The following SERPINC1 variants were observed in gnomAD, a reference collection of about 807,000 sequenced individuals.
The protein encoded by SERPINC1 is antithrombin-III.
SERPINC1 carries 12 observed loss-of-function variants against 43.4 expected under a neutral mutation model. That is an observed-to-expected ratio of 0.28 (90% CI 0.18 to 0.45). The LOEUF (loss-of-function observed/expected upper bound fraction) is 0.45, where lower values mean the gene tolerates loss of function less well. Among genes scored for constraint, SERPINC1 ranks in the 20% least tolerant of loss-of-function variants. The pLI is 1.00. For synonymous variants in SERPINC1, 210 were observed against 218.9 expected (o/e 0.96, Z 0.36); for missense variants, 423 against 578.8 (o/e 0.73, Z 2.76).
chr1:173,912,015 C>A lies in SERPINC1; in HGVS notation c.409-1G>T. The A allele has an allele frequency of 6.2e-7, 1 of 1,611,570 alleles. No homozygotes were observed. On this transcript the variant is annotated splice_acceptor_variant, in intron 2 of 6. Coordinates refer to ENST00000367698, the MANE Select transcript of SERPINC1 (RefSeq NM_000488.4). LOFTEE classifies it high-confidence loss of function. ...CAGATATGGTGTCAAACTTAAATAC[C>A]TATAGAAGTCAAAAAAAAATGGTGG...
chr1:173,912,080 A>G (rs1262229370), intron 2 of SERPINC1, 66 bp from the exon 3 acceptor site: 6 of 1,146,044 alleles, frequency 5.2e-6, no homozygotes, highest in Admixed American at 5.1e-5. Flanking sequence ...GGTGGTGAGC[A>G]CATGCTGGTC....
At chr1:173,910,600 T>A (rs1657728377) in intron 4 of SERPINC1, among the ~76,000 whole-genome samples, 154 bp downstream of exon 4, 2 of 151,868 alleles carry the variant, frequency 1.3e-5, no homozygotes, top group Admixed American at 1.3e-4. Context: ...AATAAATAAA[T>A]AATAGATTGA....
chr1:173,905,729 A>AG (rs1657475788), intron 6 of SERPINC1, among the ~76,000 whole-genome samples: 1 of 151,798 alleles, frequency 6.6e-6, no homozygotes, highest in African/African-American at 2.4e-5. Flanking sequence ...TCAATGAAAA[A>AG]AAAAAATCTC....
At chr1:173,909,385 CTG>C (rs1184464607) in intron 5 of SERPINC1, among the ~76,000 whole-genome samples, 165 bp downstream of exon 5, 5 of 152,192 alleles carry the variant, frequency 3.3e-5, no homozygotes, top group Admixed American at 6.5e-5. Flanking sequence ...GAAGAGGAAA[CTG>C]AGGTCTCAAA....
At position 173,911,783 on chromosome 1, in the gene SERPINC1, A is replaced by G. The variant is rs766277450; in HGVS notation, c.624+16T>C. On this transcript the variant is annotated intron_variant, in intron 3 of 6. Coordinates refer to ENST00000367698, the MANE Select transcript of SERPINC1 (RefSeq NM_000488.4). ...GAGGAAGAACTCGGAGGTCAGGGGT[A>G]ACATCTGCAACTCACCTTGAAGTCC... 1.2e-5 allele frequency: 20 copies of G among 1,600,180 alleles called. No homozygotes were observed.
At chr1:173,910,053 G>T in intron 4 of SERPINC1, 111 bp from the exon 5 acceptor site, 1 of 1,087,426 alleles carries the variant, frequency 9.2e-7, no homozygotes, top group Non-Finnish European at 1.4e-6. Context: ...TCGGAAAAAA[G>T]ACTGGCGGGA....
intron 1 of SERPINC1, 33 bp downstream of exon 1, chr1:173,917,186 G>T (rs1658028344): frequency 6.2e-7 from 1 of 1,605,750 alleles, no homozygotes; most frequent in African/African-American, 1.3e-5. Flanking sequence ...AAACCCAGTA[G>T]GGGCAGGCAA....
At position 173,911,834 on chromosome 1, in the gene SERPINC1, C is replaced by T. The variant is rs771347278; in HGVS notation, c.589G>A (p.Val197Ile). The T allele has an allele frequency of 6.2e-7, 1 of 1,614,170 alleles. No individual in the cohort carries two copies. Among genetic ancestry groups the T allele is most frequent in the Non-Finnish European group, 8.5e-7 (1 of 1,180,022 alleles). The change falls in exon 3 of 7, where the codon GTA becomes ATA. Residue 197 changes from valine to isoleucine, a missense_variant. Val to Ile is a conservative substitution (Grantham distance 29). Coordinates refer to ENST00000367698, the MANE Select transcript of SERPINC1 (RefSeq NM_000488.4). ...AGGGGCTGGAGCTTGGCTCCATATA[C>T]CAACTCACTGATGTCCTGGTAGGTC... is the stretch of plus-strand genomic sequence containing the variant. ...NETYQDISELVYGAKLQPLDF... is the reference protein window; with the variant it reads ...NETYQDISELIYGAKLQPLDF...
chr1:173,907,628 G>A, intron 5 of SERPINC1, 114 bp from the exon 6 acceptor site: 2 of 807,636 alleles, frequency 2.5e-6, no homozygotes, highest in Non-Finnish European at 4.5e-6. Flanking sequence ...AACATAAGAA[G>A]AAATCCTAAA....
chr1:173,907,371 A>C, intron 6 of SERPINC1, 79 bp downstream of exon 6: 1 of 1,143,564 alleles, frequency 8.7e-7, no homozygotes, highest in East Asian at 2.3e-5. Flanking sequence ...TTAACACTGG[A>C]AACAGGCCTT....
At chr1:173,912,055 T>C in intron 2 of SERPINC1, 41 bp from the exon 3 acceptor site, 1 of 1,471,790 alleles carries the variant, frequency 6.8e-7, no homozygotes. Flanking sequence ...TTTGGTGGGC[T>C]GCCTAGTTAA....
At chr1:173,916,558 C>T (rs1251705194) in intron 1 of SERPINC1, among the ~76,000 whole-genome samples, 1 of 152,036 alleles carries the variant, frequency 6.6e-6, no homozygotes, top group Non-Finnish European at 1.5e-5. Flanking sequence ...TTCCCATCTC[C>T]ACTGCCTTCG....
At chr1:173,911,304 T>C (rs1387020635) in intron 3 of SERPINC1, among the ~76,000 whole-genome samples, 1 of 152,228 alleles carries the variant, frequency 6.6e-6, no homozygotes, top group African/African-American at 2.4e-5. Flanking sequence ...TGGCAGGTTA[T>C]ATGGAGGAGA....
At position 173,911,826 on chromosome 1, in the gene SERPINC1, T is replaced by A. The variant is rs1657780406; in HGVS notation, c.597A>T (p.Gly199=). 1 of 1,614,142 alleles carries A rather than the reference T, an allele frequency of 6.2e-7. No individual in the cohort carries two copies. The highest frequency in any genetic ancestry group is 8.5e-7 in the Non-Finnish European group (1 of 1,180,002). ...TYQDISELVY[G]AKLQPLDFKE... is the part of the protein sequence containing the mutation. ...TGAAGTCCAGGGGCTGGAGCTTGGC[T>A]CCATATACCAACTCACTGATGTCCT... The change falls in exon 3 of 7, where the codon GGA becomes GGT. Residue 199 remains glycine, a synonymous_variant. Transcript: ENST00000367698.
chr1:173,914,357 A>G (rs1001156482), intron 2 of SERPINC1, among the ~76,000 whole-genome samples, 196 bp downstream of exon 2: 1 of 152,256 alleles, frequency 6.6e-6, no homozygotes, highest in African/African-American at 2.4e-5. Context: ...GTAGATAGCC[A>G]AGATTCCTTG....
At chr1:173,905,349 T>G (rs536180585) in intron 6 of SERPINC1, among the ~76,000 whole-genome samples, 1 of 152,320 alleles carries the variant, frequency 6.6e-6, no homozygotes, top group South Asian at 2.1e-4. Flanking sequence ...GTCCTATAGA[T>G]TATATCCCCA....
intron 3 of SERPINC1, 76 bp downstream of exon 3, chr1:173,911,723 A>G: frequency 8.5e-7 from 1 of 1,176,894 alleles, no homozygotes; most frequent in Non-Finnish European, 1.3e-6. Context: ...GTGAATTTGG[A>G]TGCTGTTTCT....
At chr1:173,915,645 C>T (rs1657959034) in intron 1 of SERPINC1, among the ~76,000 whole-genome samples, 1 of 152,130 alleles carries the variant, frequency 6.6e-6, no homozygotes, top group African/African-American at 2.4e-5. Flanking sequence ...CCACTGCACT[C>T]CAACCTGGGT....
Position 173,904,034 on chromosome 1 carries a change from C to T in SERPINC1, c.1250G>A (p.Ser417Asn), listed in dbSNP as rs752730597. The change falls in exon 7 of 7, where the codon AGT (serine) becomes AAT (asparagine). Residue 417 changes from serine (S) to asparagine (N), a missense_variant. By Grantham distance (46) the Ser-to-Asn change is conservative. Coordinates refer to ENST00000367698, the MANE Select transcript of SERPINC1 (RefSeq NM_000488.4). ...VNEEGSEAAASTAVVIAGRSL... is the reference protein window; with the variant it reads ...VNEEGSEAAANTAVVIAGRSL... The stretch of plus-strand genomic sequence containing the variant: ...ACGGCCAGCAATCACAACAGCGGTA[C>T]TTGCAGCTGCTTCACTGCCTTCTTC... 1.2e-6 allele frequency: 2 copies of T among 1,614,216 alleles called. No individual in the cohort carries two copies. The highest frequency in any genetic ancestry group is 4.5e-5 in the East Asian group (2 of 44,886).
Sources: gnomAD v4.1 joint callset for allele counts (sites outside exome capture counted in the v4.1 genomes callset) on GRCh38, gnomAD v4.1.1 for gene constraint, MANE v1.5 for transcripts, NCBI Gene and HGNC (gene_info 2026-07-23, HGNC 2026-07-21) for gene names.